Variants in MIB1 observed in about 807,000 individuals in gnomAD.
MIB1 encodes E3 ubiquitin-protein ligase MIB1.
Under a neutral mutation model 124.5 loss-of-function variants are expected in MIB1, and 278 were observed. That is an observed-to-expected ratio of 2.23 (90% CI 2.02 to 2.47). MIB1 has a LOEUF of 2.47. Among genes scored for constraint, MIB1 ranks in the 30% most tolerant of loss-of-function variants. The pLI is 0.00. For synonymous variants in MIB1, 446 were observed against 429.4 expected (o/e 1.04, Z -0.48); for missense variants, 957 against 1,254.4 (o/e 0.76, Z 3.58).
intron 1 of MIB1, among the ~76,000 whole-genome samples, chr18:21,742,517 C>T (rs1715803937): frequency 6.6e-6 from 1 of 152,130 alleles, no homozygotes; most frequent in African/African-American, 2.4e-5. Flanking sequence ...ACGTCCGTCT[C>T]AGTAAGGTGA....
intron 1 of MIB1, among the ~76,000 whole-genome samples, chr18:21,732,351 T>TACACACACAC (rs59731612): frequency 0.013 from 1,811 of 141,022 alleles, 29 homozygotes; most frequent in Middle Eastern, 0.029. Context: ...ATTATATGTA[T>TACACACACAC]ACACACACAC....
chr18:21,770,802 C>A (rs1814557316), intron 3 of MIB1, among the ~76,000 whole-genome samples: 1 of 152,056 alleles, frequency 6.6e-6, no homozygotes, highest in South Asian at 2.1e-4. Flanking sequence ...CACTCATACC[C>A]AACTTCAACA....
intron 7 of MIB1, among the ~76,000 whole-genome samples, chr18:21,792,681 G>T (rs1039742700): frequency 6.6e-6 from 1 of 152,122 alleles, no homozygotes; most frequent in Admixed American, 6.5e-5. Flanking sequence ...TGTAGCTGCC[G>T]TACACATATA....
chr18:21,851,539 G>T (rs954868753), intron 17 of MIB1, among the ~76,000 whole-genome samples: 4 of 152,134 alleles, frequency 2.6e-5, no homozygotes, highest in Admixed American at 1.3e-4. Context: ...AGTGGTTAAA[G>T]GATAATGAAT....
chr18:21,781,265 A>G (rs1043485273), intron 6 of MIB1, among the ~76,000 whole-genome samples: 9 of 150,380 alleles, frequency 6.0e-5, no homozygotes, highest in African/African-American at 2.2e-4. Flanking sequence ...AATGTTTGGT[A>G]GAATCTGGCA....
At chr18:21,719,846 C>A (rs1205971894) in intron 1 of MIB1, among the ~76,000 whole-genome samples, 3 of 152,088 alleles carry the variant, frequency 2.0e-5, no homozygotes, top group Non-Finnish European at 4.4e-5. Flanking sequence ...AAAATTTTCT[C>A]ATTTCTAATA....
chr18:21,798,831 G>A (rs2041616085), intron 8 of MIB1, among the ~76,000 whole-genome samples: 1 of 151,980 alleles, frequency 6.6e-6, no homozygotes. Context: ...CATAATACAA[G>A]TTACTGTGTG....
intron 6 of MIB1, among the ~76,000 whole-genome samples, chr18:21,786,716 G>C (rs985569464): frequency 6.6e-6 from 1 of 151,578 alleles, no homozygotes; most frequent in African/African-American, 2.4e-5. Context: ...GCTTAATTTT[G>C]CTGTTGAGAG....
At chr18:21,725,323 T>C (rs1020185098) in intron 1 of MIB1, among the ~76,000 whole-genome samples, 2 of 152,070 alleles carry the variant, frequency 1.3e-5, no homozygotes, top group Non-Finnish European at 2.9e-5. Flanking sequence ...AGAAAGGTCA[T>C]GTTGGAAAGG....
intron 10 of MIB1, among the ~76,000 whole-genome samples, chr18:21,809,228 C>A (rs1024316045): frequency 2.0e-5 from 3 of 151,932 alleles, no homozygotes; most frequent in Non-Finnish European, 2.9e-5. Context: ...AATAGGAAAC[C>A]TGAATAAACC....
intron 12 of MIB1, among the ~76,000 whole-genome samples, chr18:21,824,346 C>CT (rs2041906044): frequency 6.6e-6 from 1 of 151,954 alleles, no homozygotes; most frequent in South Asian, 2.1e-4. Context: ...TGTTGTGATG[C>CT]TTTTTTTACT....
chr18:21,811,005 A>G (rs1010371133), intron 10 of MIB1, among the ~76,000 whole-genome samples: 2 of 152,132 alleles, frequency 1.3e-5, no homozygotes, highest in African/African-American at 4.8e-5. Context: ...TTAAAATCCA[A>G]AATATATATA....
chr18:21,739,234 C>T (rs2040814751), upstream of MIB1, among the ~76,000 whole-genome samples: 2 of 152,058 alleles, frequency 1.3e-5, no homozygotes, highest in Admixed American at 1.3e-4. Context: ...AAGACTAAAC[C>T]AGGAAGAAGT....
intron 1 of MIB1, among the ~76,000 whole-genome samples, chr18:21,718,397 CA>C (rs2040699191): frequency 6.6e-6 from 1 of 152,084 alleles, no homozygotes; most frequent in Non-Finnish European, 1.5e-5. Flanking sequence ...GGAAATAAAA[CA>C]TTTTTTTAAA....
At chr18:21,817,651 T>A (rs1284598524) in intron 11 of MIB1, 1 of 427,880 alleles carries the variant, frequency 2.3e-6, no homozygotes, top group Non-Finnish European at 4.6e-6. Flanking sequence ...GGGATATCAT[T>A]TTTTCTAGGC....
chr18:21,840,158 C>G (rs181229696), intron 13 of MIB1, among the ~76,000 whole-genome samples: 72 of 152,124 alleles, frequency 4.7e-4, no homozygotes, highest in African/African-American at 1.7e-3. Flanking sequence ...ATCCTGTGAC[C>G]TTGCTTAAAC....
intron 2 of MIB1, 63 bp from the exon 3 acceptor site, chr18:21,768,560 T>A (rs2041190158): frequency 8.8e-6 from 11 of 1,252,060 alleles, no homozygotes; most frequent in Non-Finnish European, 1.2e-5. Context: ...AATTTTGTTT[T>A]AAAAAGTAAA....
At chr18:21,792,420 G>A (rs576494580) in intron 7 of MIB1, among the ~76,000 whole-genome samples, 2 of 151,752 alleles carry the variant, frequency 1.3e-5, no homozygotes, top group East Asian at 3.9e-4. Context: ...TTCCCATCCA[G>A]CCCCAACTCC....
At chr18:21,836,208 C>G (rs944939764) in intron 12 of MIB1, among the ~76,000 whole-genome samples, 1 of 151,330 alleles carries the variant, frequency 6.6e-6, no homozygotes, top group Admixed American at 6.6e-5. Flanking sequence ...GAACTCTGAT[C>G]GTGCCACTAA....
Sources: gnomAD v4.1 joint callset for allele counts (sites outside exome capture counted in the v4.1 genomes callset) on GRCh38, gnomAD v4.1.1 for gene constraint, MANE v1.5 for transcripts, NCBI Gene and HGNC (gene_info 2026-07-23, HGNC 2026-07-21) for gene names.